The following ERC1 variants were observed in gnomAD, a reference collection of about 807,000 sequenced individuals.
ERC1 encodes the protein RAB6 interacting protein 2.
ERC1 carries 56 observed loss-of-function variants against 132.0 expected under a neutral mutation model. The observed-to-expected ratio is 0.42, with a 90% CI of 0.34 to 0.53. The LOEUF is 0.53. Among genes scored for constraint, ERC1 ranks in the 20% least tolerant of loss-of-function variants. ERC1 has a pLI of 0.03. For synonymous variants in ERC1, 478 were observed against 476.1 expected, an observed-to-expected ratio of 1.00 and a Z score of -0.05; for missense variants, 1,202 against 1,349.9, an observed-to-expected ratio of 0.89 and a Z score of 1.72.
intron 2 of ERC1, among the ~76,000 whole-genome samples, chr12:1,064,177 C>T (rs747887357): frequency 3.9e-5 from 6 of 151,948 alleles, no homozygotes; most frequent in Non-Finnish European, 7.4e-5. Context: ...GATGGAGATT[C>T]CCATACATGT....
intron 17 of ERC1, among the ~76,000 whole-genome samples, chr12:1,440,786 C>G (rs1282589889): frequency 6.6e-6 from 1 of 151,334 alleles, no homozygotes; most frequent in Non-Finnish European, 1.5e-5. Flanking sequence ...GTAGCTGAGA[C>G]TACAGGTGCG....
At chr12:1,181,006 T>G (rs1357050923) in intron 9 of ERC1, among the ~76,000 whole-genome samples, 2 of 151,992 alleles carry the variant, frequency 1.3e-5, no homozygotes, top group African/African-American at 4.8e-5. Flanking sequence ...AGAGACGGGG[T>G]TTTGCCATGT....
intron 18 of ERC1, among the ~76,000 whole-genome samples, chr12:1,485,061 T>C (rs1180948910): frequency 1.3e-5 from 2 of 151,678 alleles, no homozygotes; most frequent in Non-Finnish European, 2.9e-5. Context: ...TTTTTTGTTT[T>C]AGTTTTTTGT....
chr12:1,241,844 CTTCTTTTTTT>C (rs1422787018), intron 13 of ERC1, among the ~76,000 whole-genome samples: 9 of 98,294 alleles, frequency 9.2e-5, no homozygotes, highest in Non-Finnish European at 1.5e-4. Flanking sequence ...ATTTCTTCTT[CTTCTTTTTTT>C]TTTTTTTTTT....
intron 15 of ERC1, among the ~76,000 whole-genome samples, chr12:1,347,830 A>C (rs1271480532): frequency 1.3e-5 from 2 of 152,088 alleles, no homozygotes; most frequent in East Asian, 3.8e-4. Context: ...TAAAAATACA[A>C]AAATTAGCCA....
At chr12:1,084,660 G>T (rs1231985153) in intron 3 of ERC1, among the ~76,000 whole-genome samples, 1 of 138,128 alleles carries the variant, frequency 7.2e-6, no homozygotes, top group Non-Finnish European at 1.5e-5. Flanking sequence ...TTATGTATAT[G>T]CTTCCAGTCA....
chr12:1,317,142 C>G (rs2154352474), intron 15 of ERC1, among the ~76,000 whole-genome samples: 1 of 130,200 alleles, frequency 7.7e-6, no homozygotes, highest in South Asian at 2.4e-4. Flanking sequence ...CCCTGGGCAA[C>G]AAGAGAGAAA....
At chr12:1,358,754 G>C (rs1474105930) in intron 15 of ERC1, among the ~76,000 whole-genome samples, 2 of 152,228 alleles carry the variant, frequency 1.3e-5, no homozygotes, top group Non-Finnish European at 2.9e-5. Context: ...CTCATAGACT[G>C]AATTATGTCT....
chr12:1,141,829 A>G (rs2154249162), intron 8 of ERC1, 42 bp downstream of exon 8: 2 of 1,421,154 alleles, frequency 1.4e-6, no homozygotes, highest in South Asian at 1.6e-5. Flanking sequence ...CATTCCTCAT[A>G]CATCTTCACT....
intron 16 of ERC1, among the ~76,000 whole-genome samples, chr12:1,406,242 G>A (rs535082895): frequency 1.2e-4 from 18 of 152,316 alleles, no homozygotes; most frequent in Admixed American, 1.0e-3. Flanking sequence ...GTGAGAGACA[G>A]AGCTAGAGTT....
chr12:1,425,871 C>G (rs2092618793), intron 17 of ERC1, among the ~76,000 whole-genome samples: 1 of 152,156 alleles, frequency 6.6e-6, no homozygotes, highest in Admixed American at 6.5e-5. Context: ...TCAGAGACTT[C>G]AAAGTAATCC....
At chr12:1,104,271 T>C (rs1327924375) in intron 3 of ERC1, among the ~76,000 whole-genome samples, 2 of 152,174 alleles carry the variant, frequency 1.3e-5, no homozygotes, top group African/African-American at 4.8e-5. Context: ...GTGGTGGTTA[T>C]TCTGGGGGTG....
chr12:1,485,258 G>A (rs796535354), intron 18 of ERC1, among the ~76,000 whole-genome samples: 19 of 140,856 alleles, frequency 1.3e-4, no homozygotes, highest in African/African-American at 4.1e-4. Context: ...AGGCTGGAGT[G>A]CAGTGGCGTG....
At chr12:998,826 C>A (rs1473785744) in intron 1 of ERC1, among the ~76,000 whole-genome samples, 5 of 147,812 alleles carry the variant, frequency 3.4e-5, no homozygotes, top group African/African-American at 5.0e-5. Context: ...GTTTTTCTTG[C>A]TGGTTCTCTG....
Position 1,339,330 on chromosome 12 carries a change from A to G in ERC1, c.2781-32503A>G, listed in dbSNP as rs1193006826. Among the ~76,000 whole-genome samples the G allele has an allele frequency of 6.1e-5, 9 of 147,564 alleles. No homozygotes were observed. In the East Asian group the frequency reaches 1.6e-3, roughly 26 times the overall value. Reference sequence around the variant, plus strand: ...GGCAGCTCAGCTGGACGACTGTGACAGGGTGCTAGCAGGTGCCAGGGTGCC... The same window carrying G: ...GGCAGCTCAGCTGGACGACTGTGACGGGGTGCTAGCAGGTGCCAGGGTGCC... On this transcript the variant is annotated intron_variant, in intron 15 of 18. Coordinates refer to ENST00000360905, the MANE Select transcript of ERC1 (RefSeq NM_178040.4).
chr12:1,228,048 T>G (rs796558916), intron 12 of ERC1, among the ~76,000 whole-genome samples: 6 of 152,230 alleles, frequency 3.9e-5, no homozygotes, highest in African/African-American at 1.4e-4. Flanking sequence ...GTGTTTAGAT[T>G]TGTAACATAG....
intron 12 of ERC1, among the ~76,000 whole-genome samples, chr12:1,212,200 A>G (rs1234905062): frequency 6.6e-6 from 1 of 152,080 alleles, no homozygotes; most frequent in Non-Finnish European, 1.5e-5. Context: ...GCTTACCTTT[A>G]GCTTTCTTTT....
chr12:1,078,873 G>A (rs1003758927), intron 2 of ERC1, among the ~76,000 whole-genome samples: 2 of 125,774 alleles, frequency 1.6e-5, no homozygotes, highest in African/African-American at 2.7e-5. Context: ...GACAAAAGTC[G>A]ATATACAAAG....
rs189841893 is a variant in ERC1, at chr12:1,019,764, G to A, written c.-156-7984G>A. 6.5e-4 allele frequency among the ~76,000 whole-genome samples: 99 copies of A among 152,224 alleles called. 2 individuals carry two copies. The highest frequency in any genetic ancestry group is 2.3e-3 in the African/African-American group (94 of 41,532). On this transcript the variant is annotated intron_variant, in intron 1 of 18. Transcript: ENST00000360905. ...GTCTTGCCATGTCATCCACGCTGTAGTGCAGTGGAACTATCGTGGCTCGCT... is the reference window on the plus strand; with the variant it reads ...GTCTTGCCATGTCATCCACGCTGTAATGCAGTGGAACTATCGTGGCTCGCT...
Sources: allele counts gnomAD v4.1 joint callset (sites outside exome capture counted in the v4.1 genomes callset), GRCh38; gene constraint gnomAD v4.1.1; transcripts MANE v1.5; gene names NCBI Gene and HGNC (gene_info 2026-07-23, HGNC 2026-07-21).